The following INSL6 variants were observed in gnomAD, a reference collection of about 807,000 sequenced individuals.
The protein encoded by INSL6 is insulin-like peptide INSL6.
INSL6 carries 16 observed loss-of-function variants against 9.4 expected under a neutral mutation model. The ratio of observed to expected loss-of-function variants is 1.70; its 90% CI spans 1.15 to 2.59. The LOEUF is 2.59. Among genes scored for constraint, INSL6 ranks in the 30% most tolerant of loss-of-function variants. INSL6 has a pLI of 0.00. For synonymous variants in INSL6, 154 were observed against 96.9 expected, an observed-to-expected ratio of 1.59 and a Z score of -3.46; for missense variants, 391 against 257.3, an observed-to-expected ratio of 1.52 and a Z score of -3.56.
the INSL6 span, among the ~76,000 whole-genome samples, chr9:5,013,807 G>A: frequency 6.6e-6 from 1 of 152,114 alleles, no homozygotes; most frequent in Non-Finnish European, 1.5e-5. Flanking sequence ...TAGATGATGT[G>A]TAATTTACTA....
the INSL6 span, among the ~76,000 whole-genome samples, chr9:5,051,024 AC>A: frequency 6.6e-6 from 1 of 152,182 alleles, no homozygotes; most frequent in African/African-American, 2.4e-5. Flanking sequence ...CATTGAACTT[AC>A]CAGTTGAGCA....
chr9:5,120,492 G>T (rs778075085), downstream of INSL6, among the ~76,000 whole-genome samples: 1 of 152,122 alleles, frequency 6.6e-6, no homozygotes, highest in East Asian at 1.9e-4. Flanking sequence ...GTTCGAAAAG[G>T]CTCTTTTGTT....
the INSL6 span, chr9:5,090,320 T>C: frequency 3.3e-6 from 2 of 598,508 alleles, no homozygotes; most frequent in East Asian, 3.5e-5. Context: ...TCACCTTTAA[T>C]GTATAATAAA....
chr9:5,105,718 T>C, the INSL6 span, among the ~76,000 whole-genome samples: 39 of 152,184 alleles, frequency 2.6e-4, 1 homozygote, highest in African/African-American at 8.4e-4. Flanking sequence ...CAAACAGAGA[T>C]AGACCAATGG....
chr9:5,016,677 G>A, the INSL6 span, among the ~76,000 whole-genome samples: 2 of 152,226 alleles, frequency 1.3e-5, no homozygotes, highest in South Asian at 4.2e-4. Context: ...AAGAAATAGA[G>A]TATCACCTGA....
intron 1 of INSL6, among the ~76,000 whole-genome samples, chr9:5,174,980 C>T (rs1002020035): frequency 6.6e-6 from 1 of 151,662 alleles, no homozygotes; most frequent in African/African-American, 2.4e-5. Flanking sequence ...CGCTCTGGCG[C>T]CCAGGCTGGA....
At chr9:5,107,322 A>G in the INSL6 span, among the ~76,000 whole-genome samples, 85 of 152,240 alleles carry the variant, frequency 5.6e-4, no homozygotes, top group African/African-American at 1.9e-3. Flanking sequence ...ATATAGATAA[A>G]TCCAGCCCCT....
At chr9:5,131,798 G>A (rs1426485530) in intron 3 of INSL6, among the ~76,000 whole-genome samples, 1 of 152,132 alleles carries the variant, frequency 6.6e-6, no homozygotes, top group African/African-American at 2.4e-5. Flanking sequence ...GCAGGCTGTA[G>A]GGAGCCCACA....
At chr9:5,161,706 A>G (rs7023047), downstream of INSL6, among the ~76,000 whole-genome samples, 16,198 of 152,208 alleles carry the variant, frequency 0.11, 2,632 homozygotes, top group African/African-American at 0.36. Context: ...TCCACCAAAA[A>G]ATGATTAGAA....
At chr9:5,091,986 A>C in the INSL6 span, among the ~76,000 whole-genome samples, 1 of 152,148 alleles carries the variant, frequency 6.6e-6, no homozygotes, top group African/African-American at 2.4e-5. Flanking sequence ...AATCCGGCGA[A>C]GATACTGCCG....
chr9:5,085,671 C>A, the INSL6 span: 1 of 729,140 alleles, frequency 1.4e-6, no homozygotes, highest in Non-Finnish European at 2.6e-6. Context: ...TTTTCGAGAA[C>A]GTGCATTATC....
the INSL6 span, among the ~76,000 whole-genome samples, chr9:5,118,577 A>G: frequency 3.2e-3 from 485 of 152,306 alleles, 1 homozygote; most frequent in African/African-American, 0.011. Context: ...ATTGGTTTGT[A>G]TATCCTCGGA....
At chr9:5,145,462 T>C (rs1469139484) in intron 2 of INSL6, among the ~76,000 whole-genome samples, 1 of 152,194 alleles carries the variant, frequency 6.6e-6, no homozygotes, top group Non-Finnish European at 1.5e-5. Context: ...TGGAGTATCT[T>C]ACTGGGGTTG....
chr9:5,096,182 C>G, the INSL6 span, among the ~76,000 whole-genome samples: 2 of 152,120 alleles, frequency 1.3e-5, no homozygotes. Context: ...TTCAAAAACA[C>G]AAAACCCATA....
At chr9:5,151,476 G>A (rs1012947108) in intron 2 of INSL6, among the ~76,000 whole-genome samples, 1 of 151,504 alleles carries the variant, frequency 6.6e-6, no homozygotes, top group Admixed American at 6.6e-5. Context: ...GCAGTAAAAT[G>A]TATGGCACAA....
At chr9:5,176,932 G>C (rs1825321672) in intron 1 of INSL6, among the ~76,000 whole-genome samples, 1 of 151,314 alleles carries the variant, frequency 6.6e-6, no homozygotes, top group Non-Finnish European at 1.5e-5. Context: ...AATAGCTAAA[G>C]AAAAAAAAGT....
At chr9:5,122,927 A>G, downstream of INSL6, 1 of 863,728 alleles carries the variant, frequency 1.2e-6, no homozygotes, top group Non-Finnish European at 1.8e-6. Flanking sequence ...TTTTTAATTT[A>G]TACAATGATT....
intron 2 of INSL6, among the ~76,000 whole-genome samples, chr9:5,157,480 G>A (rs1009581847): frequency 3.3e-5 from 5 of 151,984 alleles, no homozygotes; most frequent in African/African-American, 7.2e-5. Flanking sequence ...GTAAGGCATA[G>A]CCTTTACAAT....
At chr9:5,084,603 T>G in the INSL6 span, among the ~76,000 whole-genome samples, 1 of 152,200 alleles carries the variant, frequency 6.6e-6, no homozygotes, top group Non-Finnish European at 1.5e-5. Flanking sequence ...TTGTGAAATC[T>G]TTTCTTTTGC....
Sources: allele counts gnomAD v4.1 joint callset (sites outside exome capture counted in the v4.1 genomes callset), GRCh38; gene constraint gnomAD v4.1.1; transcripts MANE v1.5; gene names NCBI Gene and HGNC (gene_info 2026-07-23, HGNC 2026-07-21).